Variants in TRIM44 observed in about 807,000 individuals in gnomAD.
TRIM44 encodes the protein tripartite motif containing 44, also known as tripartite motif-containing protein 44.
A neutral mutation model predicts 37.4 loss-of-function variants in TRIM44; 13 were observed. The ratio of observed to expected loss-of-function variants is 0.35; its 90% CI spans 0.23 to 0.55. TRIM44 has a LOEUF of 0.55. Ranked by LOEUF, TRIM44 falls within the 20% of genes least tolerant of loss-of-function variation. The pLI is 0.89. For missense variants in TRIM44, 426 were observed against 437.2 expected (o/e 0.97, Z 0.23); for synonymous variants, 175 against 157.2 (o/e 1.11, Z -0.85).
chr11:35,687,938 G>A (rs1851599631), intron 2 of TRIM44, among the ~76,000 whole-genome samples: 1 of 152,148 alleles, frequency 6.6e-6, no homozygotes. Context: ...TATACTTGGA[G>A]CCAGCTTGAA....
chr11:35,792,018 C>A (rs978757383), intron 4 of TRIM44, among the ~76,000 whole-genome samples: 1 of 150,382 alleles, frequency 6.6e-6, no homozygotes, highest in Non-Finnish European at 1.5e-5. Context: ...TTAATATTTG[C>A]ATCAACTCTT....
intron 1 of TRIM44, among the ~76,000 whole-genome samples, chr11:35,683,634 C>T (rs1290935237): frequency 6.6e-6 from 1 of 152,060 alleles, no homozygotes; most frequent in Non-Finnish European, 1.5e-5. Context: ...GAGTTTACCT[C>T]TTTTTGCTTC....
intron 4 of TRIM44, among the ~76,000 whole-genome samples, chr11:35,796,168 T>C (rs1853284425): frequency 6.6e-6 from 1 of 152,154 alleles, no homozygotes; most frequent in Non-Finnish European, 1.5e-5. Context: ...CAACTTCAGT[T>C]GAAGGTCATC....
intron 4 of TRIM44, among the ~76,000 whole-genome samples, chr11:35,772,118 G>A (rs1401994543): frequency 6.6e-6 from 1 of 152,360 alleles, no homozygotes; most frequent in Non-Finnish European, 1.5e-5. Flanking sequence ...TAAGCCGCAA[G>A]CCTTGACAGC....
rs2133890854 is a variant in TRIM44 at position 35,815,028 on chromosome 11, CA to C, written c.*8646del. ...TGCTCCTTCATATTTCAGGGTGAGA[CA>C]AATGCTCTGTTGAAGCCATGCCACT... On this transcript the variant is annotated 3_prime_UTR_variant, in exon 5 of 5. Coordinates refer to ENST00000299413, the MANE Select transcript of TRIM44 (RefSeq NM_017583.6). 6.6e-6 allele frequency: 1 copy of C among 152,282 alleles called. No homozygotes were observed. The highest frequency in any genetic ancestry group is 1.9e-4 in the East Asian group (1 of 5,170). 9.4% of individuals were successfully genotyped at this position (152,282 alleles called of 1,614,324 possible).
intron 4 of TRIM44, among the ~76,000 whole-genome samples, chr11:35,756,137 G>C (rs974458651): frequency 6.6e-6 from 1 of 152,212 alleles, no homozygotes; most frequent in Non-Finnish European, 1.5e-5. Context: ...CTACGCATGA[G>C]CATGGAATGT....
Position 35,754,452 on chromosome 11 carries a change from G to C in TRIM44, c.1007+19007G>C, listed in dbSNP as rs1001453703. 2.0e-5 allele frequency among the ~76,000 whole-genome samples: 3 copies of C among 152,132 alleles called. No individual in the cohort carries two copies. In the South Asian group the frequency reaches 6.2e-4, roughly 32 times the overall value. ...TACCTTTCTTTCAAGGTCCCATTTA[G>C]TTGCCTCTTCTTCCATGAATCCGTC... On this transcript the variant is annotated intron_variant, in intron 4 of 4. Coordinates refer to ENST00000299413, the MANE Select transcript of TRIM44 (RefSeq NM_017583.6).
rs542453322 is a variant in TRIM44, at chr11:35,775,555, G to A, written c.1008-30803G>A. Among the ~76,000 whole-genome samples, 302 of 152,172 alleles carry A rather than the reference G, an allele frequency of 2.0e-3. 3 individuals carry two copies. Among genetic ancestry groups the A allele is most frequent in the African/African-American group, 6.7e-3 (278 of 41,518 alleles). On this transcript the variant is annotated intron_variant, in intron 4 of 4. Coordinates refer to ENST00000299413, the MANE Select transcript of TRIM44 (RefSeq NM_017583.6). ...GCATCCCTGTCTTGTGCCAGTTTTCGAAGGGAATGCTTCCAGTTTTTGCCC... is the reference window on the plus strand; with the variant it reads ...GCATCCCTGTCTTGTGCCAGTTTTCAAAGGGAATGCTTCCAGTTTTTGCCC...
chr11:35,771,270 A>G (rs1288143070), intron 4 of TRIM44, among the ~76,000 whole-genome samples: 2 of 152,240 alleles, frequency 1.3e-5, no homozygotes, highest in Non-Finnish European at 2.9e-5. Flanking sequence ...AACTGGCGCA[A>G]AGGTGACTCT....
At chr11:35,742,726 T>C (rs1852424951) in intron 4 of TRIM44, among the ~76,000 whole-genome samples, 1 of 137,874 alleles carries the variant, frequency 7.3e-6, no homozygotes, top group South Asian at 2.1e-4. Flanking sequence ...TAAATATAAT[T>C]ATATTAAATA....
intron 2 of TRIM44, among the ~76,000 whole-genome samples, chr11:35,708,227 G>A (rs1242844126): frequency 6.6e-6 from 1 of 152,298 alleles, no homozygotes; most frequent in African/African-American, 2.4e-5. Flanking sequence ...ACACCAGTTA[G>A]AATGGCGATC....
chr11:35,753,452 A>G (rs1425803022), intron 4 of TRIM44, among the ~76,000 whole-genome samples: 2 of 152,180 alleles, frequency 1.3e-5, no homozygotes, highest in Non-Finnish European at 2.9e-5. Flanking sequence ...ACACTGGCCT[A>G]AAGAATAACT....
chr11:35,812,438 T>C lies in TRIM44; in HGVS notation c.*6053T>C, dbSNP rs1438852065. ...CATTCATTTATGTTAATAAGAGCTG[T>C]CACTTAGCTCTTTCTCTGGGCCAGG... is the stretch of plus-strand genomic sequence containing the variant. On this transcript the variant is annotated 3_prime_UTR_variant, in exon 5 of 5. Transcript: ENST00000299413. 3 of 152,220 alleles carry C rather than the reference T, an allele frequency of 2.0e-5. No homozygotes were observed. Among genetic ancestry groups the C allele is most frequent in the African/African-American group, 4.8e-5 (2 of 41,460 alleles). The allele number at this position is 152,220 out of a possible 1,614,324, so 9.4% of individuals were successfully genotyped here.
At chr11:35,760,725 C>T (rs1444961510) in intron 4 of TRIM44, among the ~76,000 whole-genome samples, 1 of 152,202 alleles carries the variant, frequency 6.6e-6, no homozygotes, top group East Asian at 1.9e-4. Flanking sequence ...TTTTGAAGTA[C>T]ATATACATAG....
intron 4 of TRIM44, among the ~76,000 whole-genome samples, chr11:35,787,483 G>A (rs1853144840): frequency 6.6e-6 from 1 of 152,110 alleles, no homozygotes. Context: ...TGACCTGGGG[G>A]CCTAGAATGT....
intron 4 of TRIM44, among the ~76,000 whole-genome samples, chr11:35,744,583 C>T (rs554082163): frequency 3.3e-5 from 5 of 151,618 alleles, no homozygotes; most frequent in African/African-American, 1.2e-4. Context: ...TGTTTAAGTT[C>T]AGGGGTACAT....
chr11:35,800,892 T>C (rs894755628), intron 4 of TRIM44, among the ~76,000 whole-genome samples: 1 of 152,252 alleles, frequency 6.6e-6, no homozygotes, highest in Non-Finnish European at 1.5e-5. Context: ...ATAAGGATAC[T>C]GGGTCCTAGA....
At chr11:35,719,254 A>T (rs948457305) in intron 2 of TRIM44, among the ~76,000 whole-genome samples, 8 of 152,024 alleles carry the variant, frequency 5.3e-5, no homozygotes, top group Non-Finnish European at 1.0e-4. Context: ...GATCTTGTTA[A>T]TGTTTTGACT....
chr11:35,745,012 A>G (rs1382581073), intron 4 of TRIM44, among the ~76,000 whole-genome samples: 1 of 152,164 alleles, frequency 6.6e-6, no homozygotes, highest in East Asian at 1.9e-4. Context: ...GCTATTGTGA[A>G]TATTGCTGCA....
Sources: gnomAD v4.1 joint callset for allele counts (sites outside exome capture counted in the v4.1 genomes callset) on GRCh38, gnomAD v4.1.1 for gene constraint, MANE v1.5 for transcripts, NCBI Gene and HGNC (gene_info 2026-07-23, HGNC 2026-07-21) for gene names.